Variants in PHLPP2 observed in about 807,000 individuals in gnomAD.
PHLPP2 encodes the protein PH domain and leucine rich repeat protein phosphatase 2.
A neutral mutation model predicts 124.9 loss-of-function variants in PHLPP2; 66 were observed. The observed-to-expected ratio is 0.53, with a 90% CI of 0.43 to 0.65. The LOEUF is 0.65. Ranked by LOEUF, PHLPP2 falls within the 30% of genes least tolerant of loss-of-function variation. The pLI, the probability that PHLPP2 is intolerant of heterozygous loss-of-function variation, is 0.00. For missense variants in PHLPP2, 1,685 were observed against 1,600.4 expected, an observed-to-expected ratio of 1.05 and a Z score of -0.90; for synonymous variants, 681 against 624.7, an observed-to-expected ratio of 1.09 and a Z score of -1.34.
rs748683233 is a variant in PHLPP2, at chr16:71,690,648, G to C, written c.480C>G (p.Arg160=). 2.5e-6 allele frequency: 4 copies of C among 1,613,666 alleles called. No homozygotes were observed. The highest frequency in any genetic ancestry group is 3.4e-6 in the Non-Finnish European group (4 of 1,179,614). ...RILLSGIYNV[R]KGKTQLHKWA... The stretch of plus-strand genomic sequence containing the variant: ...ACTTATGCAGCTGGGTCTTTCCCTT[G>C]CGTACATTATAGATGCCAGACAATA... The change falls in exon 4 of 19, where the codon CGC becomes CGG. Residue 160 remains arginine (R), a synonymous_variant. Transcript: ENST00000568954.
intron 2 of PHLPP2, among the ~76,000 whole-genome samples, chr16:71,703,078 T>C (rs1285190683): frequency 6.6e-6 from 1 of 152,202 alleles, no homozygotes; most frequent in African/African-American, 2.4e-5. Flanking sequence ...AGATAATGAC[T>C]TCCAGGTCCA....
rs145216542 is a variant in PHLPP2 at position 71,679,445 on chromosome 16, G to A, written c.981C>T (p.Leu327=). 1,667 of 1,613,822 alleles carry A rather than the reference G, an allele frequency of 1.0e-3. 10 individuals are homozygous for A. In the Middle Eastern group the frequency reaches 0.019, roughly 18 times the overall value. The change falls in exon 7 of 19, where the codon CTC becomes CTT. Residue 327 remains leucine (L), a synonymous_variant. Coordinates refer to ENST00000568954, the MANE Select transcript of PHLPP2 (RefSeq NM_015020.3). ...CATGAAATCCATTACAGGAAAGGTTGAGCTCAGTCAGGGTAGAGATCTCGC... is the reference window on the plus strand; with the variant it reads ...CATGAAATCCATTACAGGAAAGGTTAAGCTCAGTCAGGGTAGAGATCTCGC... ...LLCEISTLTE[L]NLSCNGFHDL...
At chr16:71,665,039 G>A (rs1405300552) in intron 12 of PHLPP2, among the ~76,000 whole-genome samples, 1 of 152,194 alleles carries the variant, frequency 6.6e-6, no homozygotes, top group Non-Finnish European at 1.5e-5. Context: ...GCTGGGCGAG[G>A]TGGCTCACGC....
intron 12 of PHLPP2, among the ~76,000 whole-genome samples, chr16:71,665,447 T>C (rs2044830417): frequency 6.6e-6 from 1 of 152,266 alleles, no homozygotes; most frequent in Non-Finnish European, 1.5e-5. Context: ...TAAAATTTGC[T>C]AACATAGTGT....
chr16:71,657,730 G>A (rs2044754289), intron 15 of PHLPP2, among the ~76,000 whole-genome samples: 1 of 152,162 alleles, frequency 6.6e-6, no homozygotes, highest in Non-Finnish European at 1.5e-5. Flanking sequence ...TCTATGGACT[G>A]ACTAAGATTC....
At position 71,652,982 on chromosome 16, in the gene PHLPP2, A is replaced by T; in HGVS notation, c.2625T>A (p.Ala875=). ...TGTCAGGGCGGATGTAGCACAGGAGAGCGGAGGAGCCCAACTTCTGGCCAG... is the reference window on the plus strand; with the variant it reads ...TGTCAGGGCGGATGTAGCACAGGAGTGCGGAGGAGCCCAACTTCTGGCCAG... ...GMAGQKLGSS[A]LLCYIRPDTA... is the part of the protein sequence containing the mutation. Residue 875 remains alanine (A), a synonymous_variant, in exon 18 of 19, where the codon GCT becomes GCA. Transcript: ENST00000568954. 6.2e-7 allele frequency: 1 copy of T among 1,613,604 alleles called. No individual in the cohort carries two copies. The highest frequency in any genetic ancestry group is 8.5e-7 in the Non-Finnish European group (1 of 1,179,954).
intron 4 of PHLPP2, among the ~76,000 whole-genome samples, chr16:71,688,530 C>T (rs1385777711): frequency 1.3e-5 from 2 of 151,194 alleles, no homozygotes; most frequent in East Asian, 3.9e-4. Context: ...TCATTTATTT[C>T]CATTTCAATC....
intron 5 of PHLPP2, among the ~76,000 whole-genome samples, chr16:71,682,332 G>A (rs542293706): frequency 6.7e-6 from 1 of 150,362 alleles, no homozygotes; most frequent in East Asian, 2.0e-4. Flanking sequence ...ATTCTCCTGT[G>A]CCACCATGCC....
chr16:71,658,375 T>C lies in PHLPP2; in HGVS notation c.2149-12A>G, dbSNP rs1485850985. 5.6e-6 allele frequency: 9 copies of C among 1,610,320 alleles called. No homozygotes were observed. The highest frequency in any genetic ancestry group is 1.7e-4 in the Middle Eastern group (1 of 6,048). On this transcript the variant is annotated splice_polypyrimidine_tract_variant and intron_variant, in intron 14 of 18. Transcript: ENST00000568954. ...CTTAGGTCTACAAACTAAGAAAAAA[T>C]TGAGAAATCAAAAGAAAATACATCA...
intron 3 of PHLPP2, among the ~76,000 whole-genome samples, chr16:71,697,346 C>G (rs1444041497): frequency 6.6e-6 from 1 of 151,960 alleles, no homozygotes; most frequent in Non-Finnish European, 1.5e-5. Context: ...GTTTTAGGAA[C>G]CAGGTAGAAG....
chr16:71,679,906 C>T (rs1156844360), intron 6 of PHLPP2, among the ~76,000 whole-genome samples: 1 of 152,054 alleles, frequency 6.6e-6, no homozygotes, highest in East Asian at 1.9e-4. Context: ...CTTGGTGAAA[C>T]CCCATCTCTA....
rs542609099 is a variant in PHLPP2, at chr16:71,680,048, A to G, written c.891-513T>C. Among the ~76,000 whole-genome samples the G allele has an allele frequency of 1.3e-3, 201 of 151,794 alleles. 2 individuals are homozygous for G. Among genetic ancestry groups the G allele is most frequent in the Middle Eastern group, 6.8e-3 (2 of 294 alleles). ...CAGTGAGCCGACATTGCGCCACTGC[A>G]CTCCAGCCTGGGCCACAGAGTGAGA... is the stretch of plus-strand genomic sequence containing the variant. On this transcript the variant is annotated intron_variant, in intron 6 of 18. Coordinates refer to ENST00000568954, the MANE Select transcript of PHLPP2 (RefSeq NM_015020.3).
chr16:71,673,817 A>T (rs2044916720), intron 9 of PHLPP2, among the ~76,000 whole-genome samples: 1 of 152,160 alleles, frequency 6.6e-6, no homozygotes, highest in South Asian at 2.1e-4. Flanking sequence ...CACAGCTAGG[A>T]CTTACTACAA....
At chr16:71,721,517 C>T (rs1018324863) in intron 1 of PHLPP2, among the ~76,000 whole-genome samples, 5 of 152,148 alleles carry the variant, frequency 3.3e-5, no homozygotes, top group African/African-American at 1.2e-4. Flanking sequence ...GGTACTTGAG[C>T]TCAGGAGTTT....
chr16:71,664,112 A>T lies in PHLPP2; in HGVS notation c.1785-13T>A. 1 of 1,581,584 alleles carries T rather than the reference A, an allele frequency of 6.3e-7. No individual in the cohort carries two copies. The highest frequency in any genetic ancestry group is 8.7e-7 in the Non-Finnish European group (1 of 1,150,278). On this transcript the variant is annotated splice_polypyrimidine_tract_variant and intron_variant, in intron 12 of 18. Transcript: ENST00000568954. ...CAAGTATCTGAGACTGACAGAACACACACAGATCATCACCTCCTTTAAGTT... is the reference window on the plus strand; with the variant it reads ...CAAGTATCTGAGACTGACAGAACACTCACAGATCATCACCTCCTTTAAGTT...
chr16:71,685,703 T>G (rs893201734), intron 4 of PHLPP2, among the ~76,000 whole-genome samples: 9 of 152,190 alleles, frequency 5.9e-5, no homozygotes, highest in Non-Finnish European at 1.0e-4. Context: ...ATACTGACTG[T>G]TTTAGCATAA....
At chr16:71,697,357 T>C (rs1302958014) in intron 3 of PHLPP2, among the ~76,000 whole-genome samples, 2 of 152,012 alleles carry the variant, frequency 1.3e-5, no homozygotes, top group Admixed American at 6.6e-5. Flanking sequence ...CAGGTAGAAG[T>C]GGCGCACATC....
chr16:71,686,941 G>A (rs897314417), intron 4 of PHLPP2, among the ~76,000 whole-genome samples: 6 of 151,782 alleles, frequency 4.0e-5, no homozygotes, highest in African/African-American at 1.5e-4. Context: ...CATTTCTTTT[G>A]GATAAAAACT....
At chr16:71,651,331 T>C (rs1320418850) in intron 18 of PHLPP2, among the ~76,000 whole-genome samples, 1 of 147,346 alleles carries the variant, frequency 6.8e-6, no homozygotes, top group African/African-American at 2.5e-5. Flanking sequence ...AGAACGAAAT[T>C]CTGCCTCAAA....
Sources: gnomAD v4.1 joint callset for allele counts (sites outside exome capture counted in the v4.1 genomes callset) on GRCh38, gnomAD v4.1.1 for gene constraint, MANE v1.5 for transcripts, NCBI Gene and HGNC (gene_info 2026-07-23, HGNC 2026-07-21) for gene names.